Variants in RAB3GAP2 observed in about 807,000 individuals in gnomAD.
RAB3GAP2 encodes the protein rab3 GTPase-activating protein non-catalytic subunit.
In RAB3GAP2, 87 loss-of-function variants were observed where a neutral mutation model predicts 185.3. The observed-to-expected ratio is 0.47, with a 90% CI of 0.39 to 0.56. RAB3GAP2 has a LOEUF of 0.56. Ranked by LOEUF, RAB3GAP2 falls within the 20% of genes least tolerant of loss-of-function variation. The probability of loss-of-function intolerance (pLI) is 0.00; values close to 1 mark genes in which losing one functional copy is unlikely to be tolerated. For missense variants in RAB3GAP2, 1,492 were observed against 1,638.2 expected (o/e 0.91, Z 1.54); for synonymous variants, 554 against 576.1 (o/e 0.96, Z 0.55).
chr1:220,211,266 C>T (rs1166189520), intron 4 of RAB3GAP2: 2 of 614,776 alleles, frequency 3.3e-6, no homozygotes, highest in Admixed American at 2.1e-5. Context: ...CATGAAAGTA[C>T]AGAAAGCAAA....
intron 19 of RAB3GAP2, 38 bp from the exon 20 acceptor site, chr1:220,182,969 T>A (rs776369260): frequency 4.0e-6 from 6 of 1,507,796 alleles, no homozygotes; most frequent in Middle Eastern, 3.7e-4. Flanking sequence ...ACATTCCACA[T>A]CTATCACCCA....
intron 10 of RAB3GAP2, among the ~76,000 whole-genome samples, chr1:220,195,754 C>T (rs1658712477): frequency 6.6e-6 from 1 of 152,218 alleles, no homozygotes; most frequent in Admixed American, 6.5e-5. Context: ...CACATATACA[C>T]ACACACATTT....
chr1:220,215,607 T>C lies in RAB3GAP2; in HGVS notation c.181-1628A>G, dbSNP rs553340329. 2.6e-5 allele frequency among the ~76,000 whole-genome samples: 4 copies of C among 152,328 alleles called. No individual in the cohort carries two copies. The South Asian group carries it at 8.3e-4, about 32-fold the overall frequency. On this transcript the variant is annotated intron_variant, in intron 2 of 34. Coordinates refer to ENST00000358951, the MANE Select transcript of RAB3GAP2 (RefSeq NM_012414.4). ...ATGCTCTTTTTCTAATTGCTTTGTA[T>C]ACACTCTTTACATACAAAAAGAAAA...
At chr1:220,210,541 T>C (rs1659061447) in intron 6 of RAB3GAP2, 52 bp from the exon 7 acceptor site, 1 of 1,368,772 alleles carries the variant, frequency 7.3e-7, no homozygotes, top group Non-Finnish European at 1.0e-6. Flanking sequence ...CAATATACCT[T>C]AGCAGGTATG....
intron 26 of RAB3GAP2, among the ~76,000 whole-genome samples, chr1:220,165,703 C>T (rs1571878039): frequency 6.6e-6 from 1 of 152,196 alleles, no homozygotes; most frequent in Non-Finnish European, 1.5e-5. Flanking sequence ...ATTAATGATA[C>T]TGATAACACT....
intron 1 of RAB3GAP2, among the ~76,000 whole-genome samples, chr1:220,244,439 A>T (rs941703300): frequency 1.3e-5 from 2 of 152,254 alleles, no homozygotes; most frequent in African/African-American, 2.4e-5. Context: ...TCCCATGCTC[A>T]TGGACGGGAA....
rs926914099 is a variant in RAB3GAP2, at chr1:220,150,669, AC to A, written c.*581del. The A allele has an allele frequency of 1.3e-5, 2 of 153,864 alleles. No individual in the cohort carries two copies. Among genetic ancestry groups the A allele is most frequent in the African/African-American group, 4.8e-5 (2 of 41,418 alleles). The allele number at this position is 153,864 out of a possible 1,614,324, so 9.5% of individuals were successfully genotyped here. A position where few individuals can be genotyped will look rare whatever the true frequency, so the allele number is the denominator to read the frequency against. On this transcript the variant is annotated 3_prime_UTR_variant, in exon 35 of 35. Coordinates refer to ENST00000358951, the MANE Select transcript of RAB3GAP2 (RefSeq NM_012414.4). Reference sequence around the variant, plus strand: ...CTTCTGATGAATATGATGATCTTGAACCCATTCTTCCTCCTCAAGCACGGTC... The same window carrying A: ...CTTCTGATGAATATGATGATCTTGAACCATTCTTCCTCCTCAAGCACGGTC...
chr1:220,243,456 CTTCCAT>C (rs1430112339), intron 1 of RAB3GAP2, among the ~76,000 whole-genome samples: 2 of 152,062 alleles, frequency 1.3e-5, no homozygotes, highest in Admixed American at 6.6e-5. Context: ...ACTACTGTTA[CTTCCAT>C]TTCTAAGATG....
At chr1:220,169,733 T>TA (rs2102858235) in intron 24 of RAB3GAP2, among the ~76,000 whole-genome samples, 1 of 152,312 alleles carries the variant, frequency 6.6e-6, no homozygotes, top group Admixed American at 6.5e-5. Flanking sequence ...ATGATCCCCT[T>TA]AAAATTACTG....
At chr1:220,181,007 CCTCAACGGTACAGTT>C (rs1339387835) in intron 21 of RAB3GAP2, among the ~76,000 whole-genome samples, 33 of 152,078 alleles carry the variant, frequency 2.2e-4, no homozygotes, top group African/African-American at 8.0e-4. Flanking sequence ...GTCATTATTC[CCTCAACGGTACAGTT>C]TTAACAATTT....
intron 6 of RAB3GAP2, 102 bp downstream of exon 6, chr1:220,210,699 T>C: frequency 7.8e-7 from 1 of 1,280,996 alleles, no homozygotes; most frequent in Non-Finnish European, 1.1e-6. Context: ...CAACTACACA[T>C]TTTCAGGCAG....
intron 1 of RAB3GAP2, among the ~76,000 whole-genome samples, chr1:220,258,786 G>T (rs116177746): frequency 6.6e-6 from 1 of 152,104 alleles, no homozygotes; most frequent in Non-Finnish European, 1.5e-5. Context: ...AGGAAGAGAG[G>T]AGTCAAATTG....
chr1:220,152,510 C>T (rs1469464411), intron 33 of RAB3GAP2, among the ~76,000 whole-genome samples: 1 of 152,190 alleles, frequency 6.6e-6, no homozygotes, highest in African/African-American at 2.4e-5. Context: ...GTCAGCCATA[C>T]TGGCCTTTCT....
At chr1:220,202,978 G>A (rs1255239643) in intron 8 of RAB3GAP2, among the ~76,000 whole-genome samples, 1 of 152,066 alleles carries the variant, frequency 6.6e-6, no homozygotes, top group Non-Finnish European at 1.5e-5. Flanking sequence ...AAAACAAAGT[G>A]AATTCAAACT....
Position 220,202,429 on chromosome 1 carries a change from AC to A in RAB3GAP2, c.713-56del, listed in dbSNP as rs1658879798. 3 of 1,536,654 alleles carry A rather than the reference AC, an allele frequency of 2.0e-6. No individual in the cohort carries two copies. In the South Asian group the frequency reaches 3.4e-5, roughly 17 times the overall value. ...CTTATTATGGATAAAATGAAGTTTT[AC>A]AAAAAAACATTAAAACCATACTAAT... On this transcript the variant is annotated intron_variant, in intron 8 of 34. Coordinates refer to ENST00000358951, the MANE Select transcript of RAB3GAP2 (RefSeq NM_012414.4).
At chr1:220,217,236 C>T (rs1423274823) in intron 2 of RAB3GAP2, among the ~76,000 whole-genome samples, 2 of 152,064 alleles carry the variant, frequency 1.3e-5, no homozygotes, top group Admixed American at 1.3e-4. Flanking sequence ...TGAGATTTGA[C>T]TCTAATCTCA....
At chr1:220,253,742 C>T (rs1454384385) in intron 1 of RAB3GAP2, 39 of 1,611,420 alleles carry the variant, frequency 2.4e-5, no homozygotes, top group African/African-American at 6.7e-5. Flanking sequence ...GAGTGGGTTC[C>T]GGAGAGCAGA....
At chr1:220,168,700 T>A (rs964252867) in intron 24 of RAB3GAP2, among the ~76,000 whole-genome samples, 6 of 152,192 alleles carry the variant, frequency 3.9e-5, no homozygotes, top group African/African-American at 1.4e-4. Flanking sequence ...CCCAGCCCTA[T>A]TACTTTTAAT....
rs145556467 is a variant in RAB3GAP2 at position 220,195,011 on chromosome 1, G to A, written c.1130+67C>T. On this transcript the variant is annotated intron_variant, in intron 12 of 34. Coordinates refer to ENST00000358951, the MANE Select transcript of RAB3GAP2 (RefSeq NM_012414.4). ...AGATCAGCAAATCAACCAAGCACAC[G>A]GAAAGACCATACATTTAACAGTACC... is the stretch of plus-strand genomic sequence containing the variant. 1.5e-4 allele frequency: 212 copies of A among 1,451,570 alleles called. No individual in the cohort carries two copies. In the African/African-American group the frequency reaches 2.2e-3, roughly 15 times the overall value. The allele number at this position is 1,451,570 out of a possible 1,614,324, so 89.9% of individuals were successfully genotyped here.
Sources: gnomAD v4.1 joint callset for allele counts (sites outside exome capture counted in the v4.1 genomes callset) on GRCh38, gnomAD v4.1.1 for gene constraint, MANE v1.5 for transcripts, NCBI Gene and HGNC (gene_info 2026-07-23, HGNC 2026-07-21) for gene names.